The following PTPRB variants were observed in gnomAD, a reference collection of about 807,000 sequenced individuals.
PTPRB encodes protein tyrosine phosphatase receptor type B.
Under a neutral mutation model 238.1 loss-of-function variants are expected in PTPRB, and 97 were observed. That is an observed-to-expected ratio of 0.41 (90% confidence interval 0.35 to 0.48). PTPRB has a LOEUF of 0.48. Among genes scored for constraint, PTPRB ranks in the 20% least tolerant of loss-of-function variants. The pLI is 0.30. For missense variants in PTPRB, 2,292 were observed against 2,681.9 expected, an observed-to-expected ratio of 0.85 and a Z score of 3.21; for synonymous variants, 970 against 995.4, an observed-to-expected ratio of 0.97 and a Z score of 0.48.
At chr12:70,564,318 C>A (rs2136342895) in intron 15 of PTPRB, among the ~76,000 whole-genome samples, 1 of 151,922 alleles carries the variant, frequency 6.6e-6, no homozygotes, top group African/African-American at 2.4e-5. Flanking sequence ...TCAAGACCAG[C>A]CTGGCCAACA....
At chr12:70,539,544 C>T (rs1329598424) in intron 26 of PTPRB, 81 bp downstream of exon 26, 1 of 1,149,310 alleles carries the variant, frequency 8.7e-7, no homozygotes, top group Non-Finnish European at 1.3e-6. Flanking sequence ...CTCAATCAGC[C>T]TATGATGACA....
At position 70,520,516 on chromosome 12, in the gene PTPRB, C is replaced by A. The variant is rs1871546805; in HGVS notation, c.*973G>T. ...TTTTAATGAGGGGCACAATCTGCTA[C>A]CATAATATTCTTTTAATGGGAAATC... On this transcript the variant is annotated 3_prime_UTR_variant, in exon 34 of 34. Transcript: ENST00000334414. 2 of 195,888 alleles carry A rather than the reference C, an allele frequency of 1.0e-5. No homozygotes were observed. Among genetic ancestry groups the A allele is most frequent in the Non-Finnish European group, 2.1e-5 (2 of 94,510 alleles). 12.1% of individuals were successfully genotyped at this position (195,888 alleles called of 1,614,324 possible).
chr12:70,596,265 C>A lies in PTPRB; in HGVS notation c.1042G>T (p.Val348Phe). ...KEKTTSTSLH[V>F]WWTPSSGKVT... is the part of the protein sequence containing the mutation. ...TTTCCGGAAGAAGGAGTCCACCAAA[C>A]ATGCAAGCTGGTTGAAGTCGTCTTC... Residue 348 changes from valine (V) to phenylalanine (F), a missense_variant, in exon 5 of 34, where the codon GTT becomes TTT. Physicochemically the swap from Val to Phe is conservative, Grantham distance 50. Transcript: ENST00000334414. The A allele has an allele frequency of 1.2e-6, 2 of 1,612,038 alleles. No individual in the cohort carries two copies. Among genetic ancestry groups the A allele is most frequent in the Non-Finnish European group, 1.7e-6 (2 of 1,179,506 alleles).
intron 18 of PTPRB, 82 bp from the exon 19 acceptor site, chr12:70,556,230 T>C: frequency 7.8e-7 from 1 of 1,278,004 alleles, no homozygotes; most frequent in Non-Finnish European, 1.1e-6. Flanking sequence ...CAACTAGCTC[T>C]GAGATCTAGG....
chr12:70,604,738 G>A (rs1046990838), intron 4 of PTPRB, among the ~76,000 whole-genome samples: 1 of 152,170 alleles, frequency 6.6e-6, no homozygotes, highest in African/African-American at 2.4e-5. Context: ...GGCCATTAGA[G>A]CGGGCCCTAA....
chr12:70,552,721 G>T, intron 21 of PTPRB, 56 bp downstream of exon 21: 1 of 1,592,262 alleles, frequency 6.3e-7, no homozygotes, highest in South Asian at 1.1e-5. Flanking sequence ...TCAGACAGCT[G>T]AGTGCTTAGT....
In PTPRB at chr12:70,560,818, G is replaced by C; in HGVS notation, c.4285C>G (p.Pro1429Ala). ...FDFYELILYN[P>A]NGTKKENWKD... ...CAGTTTTCCTTCTTTGTGCCATTGGGATTATAGAGAATCAGCTCATAAAAG... is the reference window on the plus strand; with the variant it reads ...CAGTTTTCCTTCTTTGTGCCATTGGCATTATAGAGAATCAGCTCATAAAAG... The change falls in exon 17 of 34, where the codon CCC (proline) becomes GCC (alanine). Residue 1429 changes from proline (P) to alanine (A), a missense_variant. Physicochemically the swap from Pro to Ala is conservative, Grantham distance 27. Coordinates refer to ENST00000334414, the MANE Select transcript of PTPRB (RefSeq NM_001109754.4). This position sits in a 1 kb window ranked among gnomAD's most constrained non-coding sequence, Gnocchi z 4.2. The C allele has an allele frequency of 6.2e-7, 1 of 1,613,942 alleles. No homozygotes were observed.
chr12:70,626,635 T>C (rs1378949808), intron 2 of PTPRB, among the ~76,000 whole-genome samples: 1 of 152,104 alleles, frequency 6.6e-6, no homozygotes, highest in Non-Finnish European at 1.5e-5. Context: ...TAATTTAAAG[T>C]ATATAGGAGG....
Position 70,622,455 on chromosome 12 carries a change from T to G in PTPRB, c.643A>C (p.Thr215Pro). 1 of 1,613,302 alleles carries G rather than the reference T, an allele frequency of 6.2e-7. No individual in the cohort carries two copies. Among genetic ancestry groups the G allele is most frequent in the Non-Finnish European group, 8.5e-7 (1 of 1,179,668 alleles). ...SERQHPNLHM[T>P]GITDTSWVLS... ...ACCCATGATGTGTCTGTAATTCCAG[T>G]CATGTGCAGATTGGGATGCTGCCTC... The change falls in exon 3 of 34, where the codon ACT becomes CCT. Residue 215 changes from threonine to proline, a missense_variant. Transcript: ENST00000334414.
At chr12:70,590,570 T>C (rs1415552584) in intron 7 of PTPRB, among the ~76,000 whole-genome samples, 1 of 151,250 alleles carries the variant, frequency 6.6e-6, no homozygotes, top group Non-Finnish European at 1.5e-5. Flanking sequence ...AAAAGATTAA[T>C]GTTCTTGCAA....
intron 4 of PTPRB, 24 bp downstream of exon 4, chr12:70,609,045 C>A (rs749243903): frequency 1.2e-5 from 19 of 1,611,156 alleles, no homozygotes; most frequent in Non-Finnish European, 1.4e-5. Flanking sequence ...GCTTGGCCAT[C>A]CAATTGCACC....
intron 2 of PTPRB, among the ~76,000 whole-genome samples, chr12:70,627,677 T>A (rs537496085): frequency 3.3e-5 from 5 of 152,102 alleles, no homozygotes; most frequent in Non-Finnish European, 7.4e-5. Context: ...ATACCTGCTA[T>A]CTTCAATGAT....
In PTPRB at chr12:70,538,194, A is replaced by G. The variant is rs1330387005; in HGVS notation, c.5907T>C (p.Asp1969=). 5 of 1,613,878 alleles carry G rather than the reference A, an allele frequency of 3.1e-6. No individual in the cohort carries two copies. The highest frequency in any genetic ancestry group is 4.5e-5 in the East Asian group (2 of 44,878). The part of the protein sequence containing the change: ...ATRVKLSNVD[D]DPCSDYINAS... ...CATTGATGTAGTCAGAGCAAGGATCATCATCTACATTGGAGAGCTTCACTC... is the reference window on the plus strand; with the variant it reads ...CATTGATGTAGTCAGAGCAAGGATCGTCATCTACATTGGAGAGCTTCACTC... The change falls in exon 28 of 34, where the codon GAT becomes GAC. Residue 1969 remains aspartate, a synonymous_variant. Transcript: ENST00000334414.
intron 3 of PTPRB, among the ~76,000 whole-genome samples, chr12:70,619,322 A>ACGATGATGATG (rs1566018232): frequency 1.1e-4 from 7 of 61,810 alleles, no homozygotes; most frequent in African/African-American, 4.7e-4. Context: ...TGATAATGAT[A>ACGATGATGATG]ATGATAATGA....
rs201430317 is a variant in PTPRB, at chr12:70,622,437, A to T, written c.661T>A (p.Ser221Thr). 1.9e-6 allele frequency: 3 copies of T among 1,612,916 alleles called. No homozygotes were observed. In the East Asian group the frequency reaches 6.7e-5, roughly 36 times the overall value. Residue 221 changes from serine to threonine, a missense_variant, in exon 3 of 34, where the codon TCA (serine) becomes ACA (threonine). This residue lies in a region of PTPRB where 1,205 missense variants were observed against 1,287.8 expected (regional missense o/e 0.94). Transcript: ENST00000334414. ...GGCTGAGTAGTCGACAAAACCCATG[A>T]TGTGTCTGTAATTCCAGTCATGTGC... ...NLHMTGITDT[S>T]WVLSTTQPFS...
chr12:70,571,947 T>A lies in PTPRB; in HGVS notation c.2983A>T (p.Ser995Cys), dbSNP rs1161205818. The A allele has an allele frequency of 1.2e-6, 2 of 1,613,872 alleles. No homozygotes were observed. The highest frequency in any genetic ancestry group is 1.7e-6 in the Non-Finnish European group (2 of 1,179,884). The stretch of plus-strand genomic sequence containing the variant: ...CATTCGTTTTCTGACTTGGGAATGC[T>A]TTTAGTTTGAATGAAGTTGTTTTTG... ...KNKNNFIQTK[S>C]IPKSENECVF... The change falls in exon 12 of 34, where the codon AGC becomes TGC. Residue 995 changes from serine (S) to cysteine (C), a missense_variant. By Grantham distance (112) the Ser-to-Cys change is moderately radical. Coordinates refer to ENST00000334414, the MANE Select transcript of PTPRB (RefSeq NM_001109754.4).
Position 70,538,222 on chromosome 12 carries a change from G to A in PTPRB, c.5879C>T (p.Thr1960Met), listed in dbSNP as rs201286411. Residue 1960 changes from threonine to methionine, a missense_variant, in exon 28 of 34, where the codon ACG becomes ATG. Physicochemically the swap from Thr to Met is moderately conservative, Grantham distance 81 (BLOSUM62 -1). Around this residue, in one of 4 missense-constraint regions of PTPRB, gnomAD observed 397 missense variants for 502.0 expected, o/e 0.79. Coordinates refer to ENST00000334414, the MANE Select transcript of PTPRB (RefSeq NM_001109754.4). ...ATCTACATTGGAGAGCTTCACTCGC[G>A]TGGCATCATCTGGAAGGAGAGATTT... The part of the protein sequence containing the change: ...RYNNILPYDA[T>M]RVKLSNVDDD... 428 of 1,613,348 alleles carry A rather than the reference G, an allele frequency of 2.7e-4. No homozygotes were observed. Among genetic ancestry groups the A allele is most frequent in the Non-Finnish European group, 3.4e-4 (403 of 1,179,602 alleles).
intron 11 of PTPRB, among the ~76,000 whole-genome samples, chr12:70,573,138 A>G (rs1401592138): frequency 6.6e-6 from 1 of 152,246 alleles, no homozygotes; most frequent in Non-Finnish European, 1.5e-5. Context: ...TCTTACCTGT[A>G]TAATAAGTAA....
chr12:70,623,832 T>C (rs972029040), intron 2 of PTPRB, among the ~76,000 whole-genome samples: 2 of 152,220 alleles, frequency 1.3e-5, no homozygotes, highest in Non-Finnish European at 2.9e-5. Context: ...CTATTTTCCC[T>C]GATCTGTTCT....
Sources: gnomAD v4.1 joint callset for allele counts (sites outside exome capture counted in the v4.1 genomes callset) on GRCh38, gnomAD v4.1.1 for gene constraint, gnomAD v4.1.1 regional missense constraint, Gnocchi (gnomAD v3.1) non-coding constraint, MANE v1.5 for transcripts, NCBI Gene and HGNC (gene_info 2026-07-23, HGNC 2026-07-21) for gene names.